STK32C: variants seen among roughly 807,000 people sequenced by gnomAD.
STK32C encodes the protein serine/threonine kinase 32C, also known as serine/threonine-protein kinase 32C.
STK32C carries 31 observed loss-of-function variants against 56.5 expected under a neutral mutation model. The ratio of observed to expected loss-of-function variants is 0.55; its 90% CI spans 0.41 to 0.74. The LOEUF is 0.74. Ranked by LOEUF, STK32C falls within the 30% of genes least tolerant of loss-of-function variation. STK32C has a pLI of 0.00. For missense variants in STK32C, 544 were observed against 676.9 expected (o/e 0.80, Z 2.18); for synonymous variants, 309 against 289.4 (o/e 1.07, Z -0.69).
chr10:132,302,091 A>C (rs1441310613), intron 1 of STK32C, among the ~76,000 whole-genome samples: 1 of 152,092 alleles, frequency 6.6e-6, no homozygotes, highest in Non-Finnish European at 1.5e-5. Context: ...CGGGACAGGC[A>C]GGAAAGCTGC....
chr10:132,208,614 C>G (rs1447031211), intron 11 of STK32C, among the ~76,000 whole-genome samples: 3 of 152,176 alleles, frequency 2.0e-5, no homozygotes, highest in Non-Finnish European at 4.4e-5. Flanking sequence ...TGGGCCCCAC[C>G]GTGGCAGCTG....
Position 132,245,886 on chromosome 10 carries a change from A to G in STK32C, c.318+14T>C. The G allele has an allele frequency of 6.2e-7, 1 of 1,611,674 alleles. No homozygotes were observed. Reference sequence around the variant, plus strand: ...GCCCCCTCAGCCCAGTCCCCACCCCAGGCCCTGCCTTACCTTGCCAAAGCT... The same window carrying G: ...GCCCCCTCAGCCCAGTCCCCACCCCGGGCCCTGCCTTACCTTGCCAAAGCT... On this transcript the variant is annotated intron_variant, in intron 2 of 11. Coordinates refer to ENST00000298630, the MANE Select transcript of STK32C (RefSeq NM_173575.4).
intron 2 of STK32C, among the ~76,000 whole-genome samples, chr10:132,243,379 G>C (rs2063571288): frequency 1.3e-5 from 2 of 152,296 alleles, no homozygotes; most frequent in Middle Eastern, 3.4e-3. Flanking sequence ...GAGCAGCCTG[G>C]GGGCGAGGCG....
intron 1 of STK32C, among the ~76,000 whole-genome samples, chr10:132,283,129 G>A (rs1029154877): frequency 3.9e-5 from 6 of 152,372 alleles, no homozygotes; most frequent in East Asian, 1.9e-4. Context: ...TCAGGGCCAC[G>A]ATGGCCAAGA....
intron 7 of STK32C, 117 bp from the exon 8 acceptor site, chr10:132,224,640 G>A (rs974677392): frequency 4.0e-6 from 3 of 746,172 alleles, no homozygotes; most frequent in African/African-American, 1.7e-5. Context: ...CCAAGTGCAG[G>A]CACAGCTCTG....
intron 10 of STK32C, among the ~76,000 whole-genome samples, chr10:132,218,627 GA>G (rs1474385975): frequency 2.0e-5 from 3 of 152,186 alleles, no homozygotes; most frequent in Admixed American, 2.0e-4. Context: ...ACCTGCTGTA[GA>G]AAAGGGTAGG....
chr10:132,259,526 T>G (rs1012761883), intron 1 of STK32C, among the ~76,000 whole-genome samples: 3 of 152,136 alleles, frequency 2.0e-5, no homozygotes, highest in Non-Finnish European at 4.4e-5. Flanking sequence ...GTTCTCGTGA[T>G]AGTGAGTTCT....
intron 1 of STK32C, among the ~76,000 whole-genome samples, chr10:132,292,905 C>A (rs571266442): frequency 2.6e-5 from 4 of 151,596 alleles, no homozygotes; most frequent in East Asian, 1.9e-4. Context: ...GTCCCTCCCC[C>A]CTCCCTTCCC....
chr10:132,280,592 T>TCACGCCACTCCACTCTGTGAC, intron 1 of STK32C, among the ~76,000 whole-genome samples: 1 of 108,948 alleles, frequency 9.2e-6, no homozygotes, highest in East Asian at 3.0e-4. Flanking sequence ...CACCCTGTGA[T>TCACGCCACTCCACTCTGTGAC]CACGCCACTC....
intron 1 of STK32C, among the ~76,000 whole-genome samples, chr10:132,257,404 C>A (rs998081762): frequency 2.0e-4 from 30 of 152,106 alleles, no homozygotes; most frequent in African/African-American, 6.8e-4. Context: ...AGCCACAGGC[C>A]CCTAGGCCAG....
chr10:132,229,360 G>C (rs1469170332), intron 2 of STK32C, among the ~76,000 whole-genome samples: 3 of 152,138 alleles, frequency 2.0e-5, no homozygotes, highest in Non-Finnish European at 2.9e-5. Flanking sequence ...CGGAAAGCGT[G>C]GTGGCACACA....
intron 3 of STK32C, among the ~76,000 whole-genome samples, chr10:132,227,377 C>G (rs2062926377): frequency 6.6e-6 from 1 of 152,212 alleles, no homozygotes. Context: ...GGGCAAAGAG[C>G]TGGCATTTAA....
intron 5 of STK32C, 27 bp downstream of exon 5, chr10:132,225,720 G>A (rs1358353878): frequency 6.2e-7 from 1 of 1,613,786 alleles, no homozygotes; most frequent in Non-Finnish European, 8.5e-7. Flanking sequence ...CCACCCACCT[G>A]GGCTGCCCAC....
At chr10:132,225,176 T>A in intron 7 of STK32C, 57 bp downstream of exon 7, 1 of 1,429,718 alleles carries the variant, frequency 7.0e-7, no homozygotes, top group Non-Finnish European at 9.5e-7. Flanking sequence ...CCAGCACTGG[T>A]GGGGGCAGAG....
chr10:132,228,260 C>G, intron 2 of STK32C, 132 bp from the exon 3 acceptor site: 1 of 1,122,084 alleles, frequency 8.9e-7, no homozygotes, highest in African/African-American at 1.5e-5. Flanking sequence ...CGCGCCGCAG[C>G]CCCTCTGCCT....
intron 10 of STK32C, 140 bp downstream of exon 10, chr10:132,222,501 C>T (rs2062713903): frequency 3.5e-6 from 4 of 1,135,600 alleles, no homozygotes; most frequent in Non-Finnish European, 4.9e-6. Context: ...GGTCTCTGGC[C>T]TTCTCAGGAC....
chr10:132,310,621 T>G (rs1030811256), upstream of STK32C, among the ~76,000 whole-genome samples: 6 of 152,116 alleles, frequency 3.9e-5, no homozygotes, highest in Admixed American at 6.6e-5. This position sits in a 1 kb window ranked among gnomAD's most constrained non-coding sequence, Gnocchi z 4.6. Context: ...AATTCCTGAG[T>G]TCCCCTGTGT....
At chr10:132,288,752 T>C (rs1171985163) in intron 1 of STK32C, among the ~76,000 whole-genome samples, 3 of 152,352 alleles carry the variant, frequency 2.0e-5, no homozygotes, top group Admixed American at 2.0e-4. Flanking sequence ...ATTTAACAGA[T>C]GTACAAGACT....
chr10:132,244,704 G>A (rs113860789), intron 2 of STK32C, among the ~76,000 whole-genome samples: 63 of 152,270 alleles, frequency 4.1e-4, no homozygotes, highest in African/African-American at 1.4e-3. Flanking sequence ...CACAGCTGCC[G>A]TCCTCCGCTG....
Sources: allele counts gnomAD v4.1 joint callset (sites outside exome capture counted in the v4.1 genomes callset), GRCh38; gene constraint gnomAD v4.1.1; non-coding constraint Gnocchi (gnomAD v3.1); transcripts MANE v1.5; gene names NCBI Gene and HGNC (gene_info 2026-07-23, HGNC 2026-07-21).